Variants in GDA observed in about 807,000 individuals in gnomAD.
GDA encodes the protein cytoplasmic PSD-95 interactor.
In GDA, 18 loss-of-function variants were observed where a neutral mutation model predicts 59.6. The observed-to-expected ratio is 0.30, with a 90% CI of 0.21 to 0.45. GDA has a LOEUF of 0.45. Ranked by LOEUF, GDA falls within the 20% of genes least tolerant of loss-of-function variation. GDA has a pLI of 1.00. For synonymous variants in GDA, 201 were observed against 201.1 expected, an observed-to-expected ratio of 1.00 and a Z score of 0.00; for missense variants, 427 against 552.3, an observed-to-expected ratio of 0.77 and a Z score of 2.27.
intron 1 of GDA, among the ~76,000 whole-genome samples, chr9:72,132,051 T>G (rs2079937415): frequency 6.6e-6 from 1 of 152,176 alleles, no homozygotes; most frequent in Admixed American, 6.5e-5. Context: ...CTTATGAGAC[T>G]CATTCACTAT....
chr9:72,158,609 T>A (rs1218829641), intron 1 of GDA, among the ~76,000 whole-genome samples: 6 of 150,346 alleles, frequency 4.0e-5, no homozygotes, highest in African/African-American at 1.2e-4. Flanking sequence ...AAAAAAAAAA[T>A]GTGGATTAAT....
In GDA at chr9:72,214,995, A is replaced by C. The variant is rs563416282; in HGVS notation, c.578+1004A>C. 25 of 165,220 alleles carry C rather than the reference A, an allele frequency of 1.5e-4. No individual in the cohort carries two copies. The South Asian group carries it at 3.5e-3, about 23-fold the overall frequency. 10.2% of individuals were successfully genotyped at this position (165,220 alleles called of 1,614,324 possible). On this transcript the variant is annotated intron_variant, in intron 5 of 13. Transcript: ENST00000358399. ...GTGATCCACCTGCCTTGGCCACCCAAAGCACTGGGATTACAGGCATGAGCC... is the reference window on the plus strand; with the variant it reads ...GTGATCCACCTGCCTTGGCCACCCACAGCACTGGGATTACAGGCATGAGCC...
At chr9:72,219,197 G>C (rs1431877325) in intron 5 of GDA, among the ~76,000 whole-genome samples, 1 of 152,110 alleles carries the variant, frequency 6.6e-6, no homozygotes, top group African/African-American at 2.4e-5. Flanking sequence ...CAGGTCAGGA[G>C]ATCAAGACCA....
At chr9:72,191,017 C>T (rs939768164) in intron 1 of GDA, among the ~76,000 whole-genome samples, 3 of 151,766 alleles carry the variant, frequency 2.0e-5, no homozygotes, top group Non-Finnish European at 4.4e-5. Flanking sequence ...CGAGTAGATG[C>T]GAATGGAAAA....
chr9:72,154,514 G>A (rs1484549016), intron 1 of GDA, among the ~76,000 whole-genome samples: 2 of 152,140 alleles, frequency 1.3e-5, no homozygotes, highest in Non-Finnish European at 2.9e-5. Flanking sequence ...GAACTGTATG[G>A]GGTGGTCACA....
At chr9:72,209,992 A>G (rs895842690) in intron 3 of GDA, among the ~76,000 whole-genome samples, 1 of 152,120 alleles carries the variant, frequency 6.6e-6, no homozygotes, top group Non-Finnish European at 1.5e-5. Context: ...TTCTATAAAG[A>G]GTAAATCTCT....
upstream of GDA, among the ~76,000 whole-genome samples, chr9:72,147,522 C>T (rs769245125): frequency 5.9e-5 from 9 of 152,118 alleles, no homozygotes; most frequent in Non-Finnish European, 1.3e-4. Context: ...TTTTTGAAAG[C>T]TTAACATTGT....
intron 1 of GDA, among the ~76,000 whole-genome samples, chr9:72,142,262 A>C (rs1313487449): frequency 6.6e-6 from 1 of 152,188 alleles, no homozygotes; most frequent in Non-Finnish European, 1.5e-5. Flanking sequence ...TCTTGATACA[A>C]TGTAAAACTT....
intron 11 of GDA, among the ~76,000 whole-genome samples, chr9:72,242,494 T>C (rs933096623): frequency 3.3e-5 from 5 of 152,154 alleles, no homozygotes; most frequent in African/African-American, 1.2e-4. Flanking sequence ...AATGTAGATA[T>C]AGATTTAGAA....
At chr9:72,212,746 GA>G (rs1221995219) in intron 4 of GDA, among the ~76,000 whole-genome samples, 4 of 152,126 alleles carry the variant, frequency 2.6e-5, no homozygotes, top group Non-Finnish European at 5.9e-5. Flanking sequence ...ATGATAGAGA[GA>G]GGGAGAGAGA....
At chr9:72,215,655 A>G (rs946010230) in intron 5 of GDA, among the ~76,000 whole-genome samples, 2 of 152,144 alleles carry the variant, frequency 1.3e-5, no homozygotes, top group Admixed American at 6.5e-5. Flanking sequence ...CTGTAATAAA[A>G]GCTCTGAGGA....
At chr9:72,152,803 C>T (rs1827381739) in intron 1 of GDA, among the ~76,000 whole-genome samples, 1 of 152,144 alleles carries the variant, frequency 6.6e-6, no homozygotes, top group Non-Finnish European at 1.5e-5. Flanking sequence ...AATTAGATCC[C>T]ATTTGTCAAT....
chr9:72,174,077 C>A (rs1049571613), intron 1 of GDA, among the ~76,000 whole-genome samples: 5 of 152,204 alleles, frequency 3.3e-5, no homozygotes, highest in African/African-American at 1.2e-4. Context: ...TGTTTAAAAA[C>A]TTCTAGAGAA....
At chr9:72,141,649 A>G (rs902510512) in intron 1 of GDA, among the ~76,000 whole-genome samples, 3 of 152,316 alleles carry the variant, frequency 2.0e-5, no homozygotes, top group Admixed American at 6.5e-5. Context: ...GTCTAGGAAC[A>G]TGCATGCAAT....
chr9:72,208,832 A>G (rs1246917574), intron 3 of GDA, among the ~76,000 whole-genome samples: 1 of 152,220 alleles, frequency 6.6e-6, no homozygotes, highest in African/African-American at 2.4e-5. Flanking sequence ...TTTAATTGCT[A>G]GAACATGAGC....
upstream of GDA, among the ~76,000 whole-genome samples, chr9:72,146,234 G>A (rs544429030): frequency 2.0e-5 from 3 of 152,218 alleles, no homozygotes; most frequent in South Asian, 2.1e-4. Flanking sequence ...TGAGCAAAGC[G>A]GATTCATAGC....
chr9:72,233,207 T>C (rs996614095), intron 10 of GDA, among the ~76,000 whole-genome samples: 5 of 152,200 alleles, frequency 3.3e-5, no homozygotes, highest in Non-Finnish European at 2.9e-5. Context: ...TCACACACCC[T>C]GTCTATAACA....
At position 72,173,140 on chromosome 9, in the gene GDA, C is replaced by G. The variant is rs149140189; in HGVS notation, c.124-22360C>G. ...TTTCACTGGTCCAAAATCAAGGTGT[C>G]AACAGGGCTACAGTCTCCTGGAAGC... On this transcript the variant is annotated intron_variant, in intron 1 of 13. Coordinates refer to ENST00000358399, the MANE Select transcript of GDA (RefSeq NM_004293.5). Among the ~76,000 whole-genome samples the G allele has an allele frequency of 1.4e-4, 22 of 152,258 alleles. No individual in the cohort carries two copies. In the East Asian group the frequency reaches 2.5e-3, roughly 17 times the overall value.
chr9:72,126,566 C>CTTTTTTTT (rs72370881), intron 1 of GDA, among the ~76,000 whole-genome samples: 1 of 133,674 alleles, frequency 7.5e-6, no homozygotes, highest in African/African-American at 2.9e-5. Flanking sequence ...CCTGGTTAGT[C>CTTTTTTTT]TTTTTTTTTT....
Sources: allele counts gnomAD v4.1 joint callset (sites outside exome capture counted in the v4.1 genomes callset), GRCh38; gene constraint gnomAD v4.1.1; transcripts MANE v1.5; gene names NCBI Gene and HGNC (gene_info 2026-07-23, HGNC 2026-07-21).